Variants in MACROD2 observed in about 807,000 individuals in gnomAD.
MACROD2 encodes the protein ADP-ribose glycohydrolase MACROD2.
A neutral mutation model predicts 70.4 loss-of-function variants in MACROD2; 36 were observed. The observed-to-expected ratio is 0.51, with a 90% CI of 0.39 to 0.68. The LOEUF is 0.68. MACROD2 is among the 30% of genes least tolerant of loss of function. The probability of loss-of-function intolerance (pLI) is 0.00; values close to 1 mark genes in which losing one functional copy is unlikely to be tolerated. For missense variants in MACROD2, 496 were observed against 538.4 expected, an observed-to-expected ratio of 0.92 and a Z score of 0.78; for synonymous variants, 172 against 178.8, an observed-to-expected ratio of 0.96 and a Z score of 0.30.
At chr20:14,270,910 A>T (rs2122352545) in intron 3 of MACROD2, among the ~76,000 whole-genome samples, 1 of 152,308 alleles carries the variant, frequency 6.6e-6, no homozygotes, top group South Asian at 2.1e-4. Context: ...GTCTGAGATC[A>T]AACTGCAAGG....
chr20:15,709,694 T>C (rs997296327), intron 8 of MACROD2, among the ~76,000 whole-genome samples: 1 of 152,072 alleles, frequency 6.6e-6, no homozygotes, highest in East Asian at 1.9e-4. Flanking sequence ...TATATTATAA[T>C]ATTTATGAGG....
chr20:14,422,422 T>C (rs1465090613), intron 3 of MACROD2, among the ~76,000 whole-genome samples: 1 of 152,206 alleles, frequency 6.6e-6, no homozygotes, highest in Admixed American at 6.5e-5. Context: ...TCACTACTGT[T>C]AAGGAAAGAT....
chr20:15,446,620 A>T (rs1381372614), intron 7 of MACROD2, among the ~76,000 whole-genome samples: 1 of 152,204 alleles, frequency 6.6e-6, no homozygotes, highest in Non-Finnish European at 1.5e-5. Context: ...TGCGAACGCC[A>T]GCCCTTGCAT....
intron 3 of MACROD2, among the ~76,000 whole-genome samples, chr20:14,460,367 C>T (rs1056535707): frequency 1.3e-5 from 2 of 152,126 alleles, no homozygotes; most frequent in Non-Finnish European, 1.5e-5. Context: ...TCCTATTTCT[C>T]CACATCCTCT....
Position 14,176,908 on chromosome 20 carries a change from A to T in MACROD2, c.271+91180A>T, listed in dbSNP as rs556379332. Among the ~76,000 whole-genome samples, 6 of 152,318 alleles carry T rather than the reference A, an allele frequency of 3.9e-5. No homozygotes were observed. In the South Asian group the frequency reaches 8.3e-4, roughly 21 times the overall value. ...GTGAGAAACCATTCCCAAATTTAGG[A>T]GCTTAAATCAATAACCATTCCTGTT... On this transcript the variant is annotated intron_variant, in intron 3 of 17. Coordinates refer to ENST00000684519, the MANE Select transcript of MACROD2 (RefSeq NM_001351661.2).
intron 5 of MACROD2, among the ~76,000 whole-genome samples, chr20:14,782,493 GA>G (rs1433010607): frequency 2.6e-5 from 4 of 152,050 alleles, no homozygotes; most frequent in Non-Finnish European, 4.4e-5. Flanking sequence ...ATATGTAGTT[GA>G]AGATTCCTCA....
At chr20:14,783,783 T>C (rs1486747421) in intron 5 of MACROD2, among the ~76,000 whole-genome samples, 2 of 152,084 alleles carry the variant, frequency 1.3e-5, no homozygotes, top group South Asian at 2.1e-4. Context: ...TGTGAGCAAG[T>C]ATAGCTTAAT....
chr20:15,697,203 T>G (rs951620669), intron 8 of MACROD2, among the ~76,000 whole-genome samples: 2 of 152,194 alleles, frequency 1.3e-5, no homozygotes, highest in African/African-American at 4.8e-5. Context: ...CTATGAACTT[T>G]CCTCTTAGCA....
chr20:15,420,944 C>T (rs1600387521), intron 6 of MACROD2, among the ~76,000 whole-genome samples: 1 of 152,014 alleles, frequency 6.6e-6, no homozygotes, highest in South Asian at 2.1e-4. Context: ...AAAAATTAAC[C>T]AGGCATAGTG....
chr20:14,848,747 C>G (rs115067315), intron 5 of MACROD2, among the ~76,000 whole-genome samples: 1,604 of 152,232 alleles, frequency 0.011, 38 homozygotes, highest in African/African-American at 0.037. Flanking sequence ...TGGGAGCTGA[C>G]AATCCCCTTT....
At chr20:14,520,294 T>G (rs2123173848) in intron 4 of MACROD2, among the ~76,000 whole-genome samples, 1 of 152,252 alleles carries the variant, frequency 6.6e-6, no homozygotes, top group South Asian at 2.1e-4. Context: ...TTGCACTAGC[T>G]TCTTTTGAAA....
chr20:14,761,924 G>A (rs1369083027), intron 5 of MACROD2, among the ~76,000 whole-genome samples: 1 of 152,142 alleles, frequency 6.6e-6, no homozygotes, highest in Admixed American at 6.5e-5. Context: ...TTTCTCACTA[G>A]TAAATTGCTG....
At chr20:14,781,072 T>C (rs1328483476) in intron 5 of MACROD2, among the ~76,000 whole-genome samples, 1 of 152,066 alleles carries the variant, frequency 6.6e-6, no homozygotes, top group African/African-American at 2.4e-5. Context: ...TCGTCTCTGT[T>C]TGCTGTTTTG....
chr20:14,916,981 CTT>C (rs1254290833), intron 5 of MACROD2, among the ~76,000 whole-genome samples: 1 of 151,944 alleles, frequency 6.6e-6, no homozygotes, highest in Non-Finnish European at 1.5e-5. Flanking sequence ...GTCATGCAAA[CTT>C]AACTCTCTGT....
intron 8 of MACROD2, among the ~76,000 whole-genome samples, chr20:15,640,066 TGA>T (rs2049435473): frequency 7.5e-6 from 1 of 133,414 alleles, no homozygotes; most frequent in African/African-American, 2.9e-5. Context: ...AAAGGGGGCG[TGA>T]GAGAAGGTGA....
At chr20:14,667,763 T>C (rs919113060) in intron 4 of MACROD2, among the ~76,000 whole-genome samples, 8 of 152,168 alleles carry the variant, frequency 5.3e-5, no homozygotes, top group Non-Finnish European at 1.0e-4. Context: ...CAAAACTTTC[T>C]TTATGGACAC....
chr20:15,920,284 G>T (rs2065383727), intron 10 of MACROD2, among the ~76,000 whole-genome samples: 1 of 152,136 alleles, frequency 6.6e-6, no homozygotes, highest in Middle Eastern at 3.4e-3. Context: ...CCCACAATAG[G>T]CTATATTCTT....
In MACROD2 at chr20:14,443,028, G is replaced by A. The variant is rs529046704; in HGVS notation, c.272-50451G>A. Reference sequence around the variant, plus strand: ...CGGGAGGCGGAGGTTGCAGTGAGCCGAGATCGCGCCACTGTACTCCAGCCT... The same window carrying A: ...CGGGAGGCGGAGGTTGCAGTGAGCCAAGATCGCGCCACTGTACTCCAGCCT... On this transcript the variant is annotated intron_variant, in intron 3 of 17. Coordinates refer to ENST00000684519, the MANE Select transcript of MACROD2 (RefSeq NM_001351661.2). 1.2e-3 allele frequency among the ~76,000 whole-genome samples: 186 copies of A among 151,310 alleles called. 2 individuals carry two copies. Among genetic ancestry groups the A allele is most frequent in the Non-Finnish European group, 1.8e-3 (125 of 67,856 alleles).
intron 5 of MACROD2, among the ~76,000 whole-genome samples, chr20:14,968,351 G>C (rs897985045): frequency 6.6e-6 from 1 of 152,042 alleles, no homozygotes; most frequent in Non-Finnish European, 1.5e-5. Context: ...TTCTCAATTT[G>C]TCACTCAATT....
Sources: allele counts gnomAD v4.1 joint callset (sites outside exome capture counted in the v4.1 genomes callset), GRCh38; gene constraint gnomAD v4.1.1; transcripts MANE v1.5; gene names NCBI Gene and HGNC (gene_info 2026-07-23, HGNC 2026-07-21).